The following ASB10 variants were observed in gnomAD, a reference collection of about 807,000 sequenced individuals.
The protein encoded by ASB10 is ankyrin repeat and SOCS box protein 10.
Under a neutral mutation model 35.4 loss-of-function variants are expected in ASB10, and 44 were observed. The observed-to-expected ratio is 1.24, with a 90% CI of 0.98 to 1.60. ASB10 has a LOEUF of 1.60. ASB10 is among the 40% of genes most tolerant of loss of function. The probability of loss-of-function intolerance (pLI) is 0.00; values close to 1 mark genes in which losing one functional copy is unlikely to be tolerated. For synonymous variants in ASB10, 294 were observed against 280.4 expected, an observed-to-expected ratio of 1.05 and a Z score of -0.49; for missense variants, 647 against 634.3, an observed-to-expected ratio of 1.02 and a Z score of -0.22.
chr7:151,187,530 G>C, upstream of ASB10: 1 of 1,551,490 alleles, frequency 6.4e-7, no homozygotes, highest in Non-Finnish European at 8.7e-7. This position sits in a 1 kb window ranked among gnomAD's most constrained non-coding sequence, Gnocchi z 5.3. Context: ...GGGGGGAACA[G>C]CTCCTGCAAC....
At chr7:151,181,598 G>A (rs1268995027) in intron 2 of ASB10, 140 bp from the exon 3 acceptor site, 1 of 1,245,098 alleles carries the variant, frequency 8.0e-7, no homozygotes, top group Non-Finnish European at 1.1e-6. Context: ...CATTCTGCAA[G>A]ATCAACAGTG....
Position 151,187,039 on chromosome 7 carries a change from G to A in ASB10, c.92C>T (p.Pro31Leu), listed in dbSNP as rs757152540. Residue 31 changes from proline (P) to leucine (L), a missense_variant, in exon 1 of 6, where the codon CCC (proline) becomes CTC (leucine). Coordinates refer to ENST00000420175, the MANE Select transcript of ASB10 (RefSeq NM_001142459.2). This position sits in a 1 kb window ranked among gnomAD's most constrained non-coding sequence, Gnocchi z 5.3. ...GAGGTGCTCCTCAGACCCTCTGCTGGGCTTCTCCACCAGCCTGGCACAGAG... is the reference window on the plus strand; with the variant it reads ...GAGGTGCTCCTCAGACCCTCTGCTGAGCTTCTCCACCAGCCTGGCACAGAG... ...HPLCARLVEKPSRGSEEHLKS... is the reference protein window; with the variant it reads ...HPLCARLVEKLSRGSEEHLKS... The A allele has an allele frequency of 4.3e-6, 7 of 1,610,544 alleles. No homozygotes were observed. The Admixed American group carries it at 5.0e-5, about 12-fold the overall frequency.
Position 151,180,995 on chromosome 7 carries a change from C to T in ASB10, c.1048G>A (p.Val350Ile), listed in dbSNP as rs905931294. The change falls in exon 3 of 6, where the codon GTT (valine) becomes ATT (isoleucine). Residue 350 changes from valine (V) to isoleucine (I), a missense_variant. Transcript: ENST00000420175. ...GCGCCATGGTTGAGCAGAGCCCGAA[C>T]CACGTGCTCGGGGCTCTGGGCCAGG... ...AALAQSPEHV[V>I]RALLNHGAVR... is the part of the protein sequence containing the mutation. 5 of 1,596,740 alleles carry T rather than the reference C, an allele frequency of 3.1e-6. No homozygotes were observed. Among genetic ancestry groups the T allele is most frequent in the Middle Eastern group, 1.7e-4 (1 of 5,756 alleles).
At chr7:151,181,606 G>T in intron 2 of ASB10, 148 bp from the exon 3 acceptor site, 1 of 1,232,364 alleles carries the variant, frequency 8.1e-7, no homozygotes, top group Non-Finnish European at 1.1e-6. Context: ...AAGATCAACA[G>T]TGCCCTTCTT....
chr7:151,187,727 T>C, upstream of ASB10: 1 of 1,463,932 alleles, frequency 6.8e-7, no homozygotes, highest in South Asian at 1.4e-5. The surrounding 1 kb of genome is among the most constrained non-coding windows in gnomAD (Gnocchi z 5.3). Flanking sequence ...GGGCATGGCT[T>C]GTTCTGGGAG....
In ASB10 at chr7:151,186,417, G is replaced by T; in HGVS notation, c.559C>A (p.Leu187Ile). The change falls in exon 2 of 6, where the codon CTC (leucine) becomes ATC (isoleucine). Residue 187 changes from leucine (L) to isoleucine (I), a missense_variant. Transcript: ENST00000420175. The stretch of plus-strand genomic sequence containing the variant: ...TCAAGGGTGCCAGGCCCCCGGCAGA[G>T]ATGCAGGGGGCGTTTCCCATCCTGG... ...ADQDGKRPLH[L>I]CRGPGTLECA... 6.3e-7 allele frequency: 1 copy of T among 1,587,712 alleles called. No homozygotes were observed.
Position 151,181,466 on chromosome 7 carries a change from G to A in ASB10, c.585-8C>T, listed in dbSNP as rs201794362. ...AGGAGCAGCTCCGCACACCTATTGG[G>A]GGGAGACGGTGGTGGGGAGGAAAGC... is the stretch of plus-strand genomic sequence containing the variant. On this transcript the variant is annotated splice_region_variant and splice_polypyrimidine_tract_variant and intron_variant, in intron 2 of 5. Coordinates refer to ENST00000420175, the MANE Select transcript of ASB10 (RefSeq NM_001142459.2). 1.3e-6 allele frequency: 2 copies of A among 1,570,892 alleles called. No individual in the cohort carries two copies. The highest frequency in any genetic ancestry group is 1.7e-6 in the Non-Finnish European group (2 of 1,153,140).
At chr7:151,178,805 G>A (rs548959887) in intron 3 of ASB10, among the ~76,000 whole-genome samples, 26 of 152,242 alleles carry the variant, frequency 1.7e-4, no homozygotes, top group Admixed American at 5.2e-4. Flanking sequence ...AGTCTGTCCC[G>A]GGAGGCCTCT....
upstream of ASB10, chr7:151,187,416 C>G (rs1584820489): frequency 6.4e-7 from 1 of 1,550,694 alleles, no homozygotes; most frequent in East Asian, 2.4e-5. This position sits in a 1 kb window ranked among gnomAD's most constrained non-coding sequence, Gnocchi z 5.3. Flanking sequence ...GTCAGCCCAG[C>G]CCCCTGGTTC....
upstream of ASB10, chr7:151,187,593 G>A (rs766920056): frequency 1.9e-6 from 3 of 1,548,410 alleles, no homozygotes; most frequent in South Asian, 1.2e-5. This position sits in a 1 kb window ranked among gnomAD's most constrained non-coding sequence, Gnocchi z 5.3. Context: ...TCTTGGCAGA[G>A]CAGTGGTGAT....
intron 1 of ASB10, 39 bp downstream of exon 1, chr7:151,186,776 C>T (rs1801603752): frequency 6.5e-7 from 1 of 1,542,058 alleles, no homozygotes; most frequent in Non-Finnish European, 8.8e-7. Context: ...GCAGCCTCCC[C>T]TCTCTCCCAC....
intron 3 of ASB10, among the ~76,000 whole-genome samples, chr7:151,177,966 AGCCGGGCGTGGCGGCTCAT>A (rs1801419771): frequency 6.6e-6 from 1 of 152,160 alleles, no homozygotes; most frequent in African/African-American, 2.4e-5. Flanking sequence ...AATAAGAAGG[AGCCGGGCGTGGCGGCTCAT>A]GCCTGTAATC....
chr7:151,179,327 C>A (rs1801446129), intron 3 of ASB10, among the ~76,000 whole-genome samples: 1 of 152,232 alleles, frequency 6.6e-6, no homozygotes, highest in Non-Finnish European at 1.5e-5. Flanking sequence ...TCCTAGTCAC[C>A]ACTGAACTCA....
Position 151,186,854 on chromosome 7 carries a change from C to A in ASB10, c.277G>T (p.Glu93Ter). The change falls in exon 1 of 6, where the codon GAG (glutamate) becomes TAG (stop). Residue 93 changes from glutamate to a stop codon, truncating the protein, a stop_gained. Coordinates refer to ENST00000420175, the MANE Select transcript of ASB10 (RefSeq NM_001142459.2). LOFTEE classifies it high-confidence loss of function. ...TTGAAGCGGAAATCCCTCCATCGCT[C>A]TGGGTCGCTGGTATCAAAGACGGAA... The part of the protein sequence containing the change: ...PDSVFDTSDP[E>*]RWRDFRFNIR... 3.7e-6 allele frequency: 6 copies of A among 1,611,560 alleles called. No individual in the cohort carries two copies. Among genetic ancestry groups the A allele is most frequent in the Non-Finnish European group, 5.1e-6 (6 of 1,178,438 alleles).
In ASB10 at chr7:151,187,146, G is replaced by A; in HGVS notation, c.-16C>T. ...TCATGAGCATGTGGGCAGGGAAAGG[G>A]GAGTGGGGAGGAGGAGAGGTATATG... On this transcript the variant is annotated 5_prime_UTR_variant, in exon 1 of 6. Transcript: ENST00000420175. This position sits in a 1 kb window ranked among gnomAD's most constrained non-coding sequence, Gnocchi z 5.3. The A allele has an allele frequency of 6.4e-7, 1 of 1,567,446 alleles. No individual in the cohort carries two copies. The highest frequency in any genetic ancestry group is 8.7e-7 in the Non-Finnish European group (1 of 1,155,544).
chr7:151,178,699 G>A (rs1801433539), intron 3 of ASB10, among the ~76,000 whole-genome samples: 1 of 152,206 alleles, frequency 6.6e-6, no homozygotes, highest in Admixed American at 6.5e-5. Flanking sequence ...AATGAGCAGT[G>A]GGAGCAGAAG....
chr7:151,180,122 C>T (rs559713286), intron 3 of ASB10, among the ~76,000 whole-genome samples: 11 of 152,270 alleles, frequency 7.2e-5, no homozygotes, highest in Admixed American at 5.9e-4. Context: ...AGGGTGGTTT[C>T]GGTTCTGAGC....
chr7:151,176,424 T>G, intron 4 of ASB10, 127 bp from the exon 5 acceptor site: 1 of 1,460,964 alleles, frequency 6.8e-7, no homozygotes, highest in South Asian at 1.4e-5. Context: ...CAATGAATGT[T>G]TGAGTGTTCA....
At chr7:151,184,156 G>A (rs997321409) in intron 2 of ASB10, among the ~76,000 whole-genome samples, 2 of 151,884 alleles carry the variant, frequency 1.3e-5, no homozygotes, top group African/African-American at 4.8e-5. Context: ...GCTCACACCT[G>A]TAATCCCAGC....
Sources: gnomAD v4.1 joint callset for allele counts (sites outside exome capture counted in the v4.1 genomes callset) on GRCh38, gnomAD v4.1.1 for gene constraint, Gnocchi (gnomAD v3.1) non-coding constraint, MANE v1.5 for transcripts, NCBI Gene and HGNC (gene_info 2026-07-23, HGNC 2026-07-21) for gene names.